RIN3: variants seen among roughly 807,000 people sequenced by gnomAD.
RIN3 encodes the protein Ras and Rab interactor 3, also known as RAB5 interacting protein 3.
A neutral mutation model predicts 76.3 loss-of-function variants in RIN3; 54 were observed. The observed-to-expected ratio is 0.71, with a 90% CI of 0.57 to 0.89. The LOEUF (loss-of-function observed/expected upper bound fraction) is 0.89. RIN3 is among the 40% of genes least tolerant of loss of function. The probability of loss-of-function intolerance (pLI) is 0.00; values close to 1 mark genes in which losing one functional copy is unlikely to be tolerated. For missense variants in RIN3, 1,256 were observed against 1,322.1 expected, an observed-to-expected ratio of 0.95 and a Z score of 0.78; for synonymous variants, 576 against 564.0, an observed-to-expected ratio of 1.02 and a Z score of -0.30.
At chr14:92,523,747 G>A (rs906890883) in intron 1 of RIN3, among the ~76,000 whole-genome samples, 2 of 152,196 alleles carry the variant, frequency 1.3e-5, no homozygotes, top group African/African-American at 4.8e-5. Context: ...CTTGTGCTTT[G>A]ACAGGGCTAG....
intron 3 of RIN3, among the ~76,000 whole-genome samples, chr14:92,584,515 C>T (rs1251531520): frequency 6.6e-6 from 1 of 152,200 alleles, no homozygotes; most frequent in African/African-American, 2.4e-5. Context: ...ACAACCATCT[C>T]CTGCATCCCC....
chr14:92,526,333 C>A (rs1169681065), intron 1 of RIN3, among the ~76,000 whole-genome samples: 1 of 152,012 alleles, frequency 6.6e-6, no homozygotes, highest in Admixed American at 6.6e-5. Context: ...GTGGTGCATG[C>A]CTGTAGTCCC....
chr14:92,652,890 C>G lies in RIN3; in HGVS notation c.1841C>G (p.Ser614Trp). 6.2e-7 allele frequency: 1 copy of G among 1,614,070 alleles called. No homozygotes were observed. The highest frequency in any genetic ancestry group is 8.5e-7 in the Non-Finnish European group (1 of 1,180,048). The change falls in exon 6 of 10, where the codon TCG becomes TGG. Residue 614 changes from serine to tryptophan, a missense_variant. Ser to Trp is a radical substitution (Grantham distance 177). This residue lies in a region of RIN3 where 428 missense variants were observed against 521.2 expected (regional missense o/e 0.82). Coordinates refer to ENST00000216487, the MANE Select transcript of RIN3 (RefSeq NM_024832.5). This position sits in a 1 kb window ranked among gnomAD's most constrained non-coding sequence, Gnocchi z 6.4. ...GTGGAGCTGGCGCAGGACAAGGGCTCGTACTTTGGCAGCCTGGTGCAGGAC... is the reference window on the plus strand; with the variant it reads ...GTGGAGCTGGCGCAGGACAAGGGCTGGTACTTTGGCAGCCTGGTGCAGGAC... ...KVVELAQDKGSYFGSLVQDYK... is the reference protein window; with the variant it reads ...KVVELAQDKGWYFGSLVQDYK...
intron 1 of RIN3, 53 bp from the exon 2 acceptor site, chr14:92,555,698 A>C: frequency 2.5e-6 from 4 of 1,578,844 alleles, no homozygotes; most frequent in Non-Finnish European, 3.5e-6. Context: ...AGGTGTTATA[A>C]ACCTTCTCTG....
At chr14:92,649,501 G>A (rs965055067) in intron 5 of RIN3, among the ~76,000 whole-genome samples, 1 of 151,828 alleles carries the variant, frequency 6.6e-6, no homozygotes, top group Non-Finnish European at 1.5e-5. Context: ...TGTAGACATG[G>A]GCACAGTGCT....
At chr14:92,632,285 C>T (rs1055222832) in intron 4 of RIN3, among the ~76,000 whole-genome samples, 1 of 152,092 alleles carries the variant, frequency 6.6e-6, no homozygotes, top group Non-Finnish European at 1.5e-5. Context: ...GGTGGGGTGT[C>T]AGCAGTGATT....
At chr14:92,617,335 C>A (rs926460853) in intron 4 of RIN3, among the ~76,000 whole-genome samples, 1 of 151,970 alleles carries the variant, frequency 6.6e-6, no homozygotes, top group Non-Finnish European at 1.5e-5. Context: ...TTTAAAAATT[C>A]CCCCCTTTTT....
At chr14:92,665,899 C>T (rs1888080320) in intron 7 of RIN3, among the ~76,000 whole-genome samples, 1 of 152,186 alleles carries the variant, frequency 6.6e-6, no homozygotes, top group Non-Finnish European at 1.5e-5. Context: ...CATACCTTCC[C>T]CTGGCAGGTG....
chr14:92,564,084 G>A (rs1897853840), intron 2 of RIN3, among the ~76,000 whole-genome samples: 1 of 152,224 alleles, frequency 6.6e-6, no homozygotes, highest in South Asian at 2.1e-4. Context: ...GGCATGATTG[G>A]AAATTTTCCC....
intron 1 of RIN3, among the ~76,000 whole-genome samples, chr14:92,544,855 A>G (rs1897220450): frequency 1.3e-5 from 2 of 152,118 alleles, no homozygotes; most frequent in South Asian, 2.1e-4. Flanking sequence ...TAAATAAATC[A>G]TTGCAGAACT....
chr14:92,528,255 C>T (rs887202533), intron 1 of RIN3, among the ~76,000 whole-genome samples: 8 of 152,014 alleles, frequency 5.3e-5, no homozygotes, highest in Admixed American at 3.3e-4. Flanking sequence ...CCGCCTCCCT[C>T]CTAGGGAGAT....
At chr14:92,572,877 C>CTTTTTTTTT (rs763771909) in intron 2 of RIN3, among the ~76,000 whole-genome samples, 7 of 100,110 alleles carry the variant, frequency 7.0e-5, no homozygotes, top group Non-Finnish European at 9.2e-5. Context: ...CTTTTTTTTG[C>CTTTTTTTTT]TTTTTTTTTT....
chr14:92,669,364 G>C (rs1049897526), intron 7 of RIN3, among the ~76,000 whole-genome samples: 2 of 152,198 alleles, frequency 1.3e-5, no homozygotes, highest in African/African-American at 2.4e-5. Flanking sequence ...CCTGGGACTG[G>C]GTGGTCAGGG....
At chr14:92,535,793 G>T (rs913224112) in intron 1 of RIN3, among the ~76,000 whole-genome samples, 1 of 149,822 alleles carries the variant, frequency 6.7e-6, no homozygotes, top group South Asian at 2.1e-4. Context: ...TCCTGCCTCA[G>T]CCTCCTGAGT....
At chr14:92,677,175 A>G (rs1193693252) in intron 8 of RIN3, among the ~76,000 whole-genome samples, 1 of 152,190 alleles carries the variant, frequency 6.6e-6, no homozygotes, top group Non-Finnish European at 1.5e-5. Context: ...TATGAGTAAG[A>G]AGCCCTGTGC....
intron 4 of RIN3, among the ~76,000 whole-genome samples, chr14:92,631,618 G>T (rs1225527897): frequency 1.3e-5 from 2 of 151,666 alleles, no homozygotes; most frequent in Admixed American, 1.3e-4. Flanking sequence ...CGGCGGGAGT[G>T]GGGGTTGGAG....
chr14:92,561,302 A>T (rs1326735194), intron 2 of RIN3, among the ~76,000 whole-genome samples: 1 of 151,208 alleles, frequency 6.6e-6, no homozygotes, highest in East Asian at 1.9e-4. Context: ...CAGGCTAGGG[A>T]TTCAGGCCCT....
intron 2 of RIN3, chr14:92,576,369 G>C: frequency 7.8e-7 from 1 of 1,289,866 alleles, no homozygotes; most frequent in Non-Finnish European, 1.0e-6. Flanking sequence ...TGCTGGCTCT[G>C]GGTGAGACCT....
chr14:92,580,384 C>G (rs1019578939), intron 3 of RIN3, among the ~76,000 whole-genome samples: 1 of 152,194 alleles, frequency 6.6e-6, no homozygotes, highest in Admixed American at 6.5e-5. Flanking sequence ...AAAAACAAAA[C>G]ACAACCCACA....
Sources: gnomAD v4.1 joint callset for allele counts (sites outside exome capture counted in the v4.1 genomes callset) on GRCh38, gnomAD v4.1.1 for gene constraint, gnomAD v4.1.1 regional missense constraint, Gnocchi (gnomAD v3.1) non-coding constraint, MANE v1.5 for transcripts, NCBI Gene and HGNC (gene_info 2026-07-23, HGNC 2026-07-21) for gene names.